MYO1B: variants seen among roughly 807,000 people sequenced by gnomAD.
The protein encoded by MYO1B is myosin IB.
A neutral mutation model predicts 159.7 loss-of-function variants in MYO1B; 72 were observed. The observed-to-expected ratio is 0.45, with a 90% CI of 0.37 to 0.55. The LOEUF is 0.55. Ranked by LOEUF, MYO1B falls within the 20% of genes least tolerant of loss-of-function variation. MYO1B has a pLI of 0.00. For missense variants in MYO1B, 1,062 were observed against 1,364.8 expected, an observed-to-expected ratio of 0.78 and a Z score of 3.50; for synonymous variants, 468 against 473.8, an observed-to-expected ratio of 0.99 and a Z score of 0.16.
chr2:191,320,845 TA>T (rs35399217), intron 3 of MYO1B, among the ~76,000 whole-genome samples: 13,837 of 147,244 alleles, frequency 0.094, 2,001 homozygotes, highest in African/African-American at 0.32. Flanking sequence ...CTTTATGCAT[TA>T]AAAAAAAAAA....
chr2:191,339,346 TTGTC>T (rs1236769150), intron 4 of MYO1B, among the ~76,000 whole-genome samples: 1 of 152,212 alleles, frequency 6.6e-6, no homozygotes, highest in African/African-American at 2.4e-5. Context: ...TATAAAGTCT[TTGTC>T]TGTAAGTGAT....
rs1323544904 is a variant in MYO1B, at chr2:191,414,082, A to G, written c.2908A>G (p.Ile970Val). 6.2e-7 allele frequency: 1 copy of G among 1,613,028 alleles called. No individual in the cohort carries two copies. Among genetic ancestry groups the G allele is most frequent in the East Asian group, 2.2e-5 (1 of 44,846 alleles). Reference protein sequence around the residue: ...GQPFQGAYLEINKNPKYKKLK... With the variant: ...GQPFQGAYLEVNKNPKYKKLK... ...ACCATTCCAAGGGGCTTACCTGGAA[A>G]TCAACAAGAACCCCAAGTATAAGAA... is the stretch of plus-strand genomic sequence containing the variant. The change falls in exon 28 of 31, where the codon ATC becomes GTC. Residue 970 changes from isoleucine to valine, a missense_variant. This residue lies in a region of MYO1B where 609 missense variants were observed against 744.4 expected (regional missense o/e 0.82). Transcript: ENST00000392318.
At chr2:191,276,758 G>T (rs1687776512) in intron 1 of MYO1B, 129 bp from the exon 2 acceptor site, 1 of 1,114,698 alleles carries the variant, frequency 9.0e-7, no homozygotes, top group Non-Finnish European at 1.3e-6. Flanking sequence ...GGGAGGAGAG[G>T]TTATGACATT....
rs191785074 is a variant in MYO1B, at chr2:191,294,009, A to G, written c.136-2102A>G. Reference sequence around the variant, plus strand: ...TTGTACCCTCCAATTAGTGATGAACATACCCCATGTGATTTGGTCATTTAG... The same window carrying G: ...TTGTACCCTCCAATTAGTGATGAACGTACCCCATGTGATTTGGTCATTTAG... On this transcript the variant is annotated intron_variant, in intron 2 of 30. Transcript: ENST00000392318. Among the ~76,000 whole-genome samples the G allele has an allele frequency of 2.6e-5, 4 of 152,320 alleles. No homozygotes were observed. In the East Asian group the frequency reaches 7.7e-4, roughly 29 times the overall value.
intron 2 of MYO1B, among the ~76,000 whole-genome samples, chr2:191,289,341 C>T (rs934300268): frequency 1.3e-5 from 2 of 152,220 alleles, no homozygotes; most frequent in Non-Finnish European, 2.9e-5. Context: ...AGATTCTTGT[C>T]TCCTTGTCTT....
chr2:191,296,300 C>T, intron 3 of MYO1B, 74 bp downstream of exon 3: 2 of 707,418 alleles, frequency 2.8e-6, no homozygotes, highest in Non-Finnish European at 4.2e-6. Context: ...GTGCAGCTGT[C>T]TCCTTTGAAT....
intron 3 of MYO1B, among the ~76,000 whole-genome samples, chr2:191,305,580 G>A (rs1689601611): frequency 6.6e-6 from 1 of 152,218 alleles, no homozygotes; most frequent in African/African-American, 2.4e-5. Context: ...GAGGTGCTGG[G>A]AATACAAAGA....
At chr2:191,339,184 T>C (rs1396631536) in intron 4 of MYO1B, among the ~76,000 whole-genome samples, 1 of 152,060 alleles carries the variant, frequency 6.6e-6, no homozygotes, top group Non-Finnish European at 1.5e-5. Context: ...CACCGGATGT[T>C]AGGAACCTGC....
At position 191,402,614 on chromosome 2, in the gene MYO1B, C is replaced by T. The variant is rs1355891087; in HGVS notation, c.2470-18C>T. 1 of 1,609,192 alleles carries T rather than the reference C, an allele frequency of 6.2e-7. No individual in the cohort carries two copies. The highest frequency in any genetic ancestry group is 8.5e-7 in the Non-Finnish European group (1 of 1,176,584). ...TGCATTGGGCTGTCTCTTTTATTTA[C>T]TATCTAAAACATTCTAGGCTCGAAG... On this transcript the variant is annotated intron_variant, in intron 23 of 30. Coordinates refer to ENST00000392318, the MANE Select transcript of MYO1B (RefSeq NM_001130158.3).
intron 4 of MYO1B, among the ~76,000 whole-genome samples, chr2:191,332,890 A>C (rs1425957829): frequency 6.6e-6 from 1 of 152,106 alleles, no homozygotes; most frequent in African/African-American, 2.4e-5. Flanking sequence ...CTAGCCTCCC[A>C]TGTCTTCTTA....
At position 191,392,202 on chromosome 2, in the gene MYO1B, G is replaced by C; in HGVS notation, c.2076+1G>C. The C allele has an allele frequency of 6.3e-7, 1 of 1,594,858 alleles. No homozygotes were observed. Among genetic ancestry groups the C allele is most frequent in the Non-Finnish European group, 8.6e-7 (1 of 1,166,278 alleles). ...GATATTCATCCGAAACCCAAGAACA[G>C]TATGTAACGAAAACCTTTACACTCT... On this transcript the variant is annotated splice_donor_variant, in intron 19 of 30. Coordinates refer to ENST00000392318, the MANE Select transcript of MYO1B (RefSeq NM_001130158.3). LOFTEE classifies it high-confidence loss of function.
intron 21 of MYO1B, among the ~76,000 whole-genome samples, chr2:191,397,794 C>T (rs1484913022): frequency 4.1e-5 from 6 of 145,832 alleles, no homozygotes; most frequent in Non-Finnish European, 9.1e-5. Context: ...CCTCACCTCC[C>T]GGATGGGGCG....
intron 1 of MYO1B, among the ~76,000 whole-genome samples, chr2:191,261,246 CAT>C (rs1351998895): frequency 3.3e-5 from 5 of 152,126 alleles, no homozygotes; most frequent in Admixed American, 1.3e-4. Context: ...TGATTTTAAA[CAT>C]GTGTGCCAAA....
rs1440042482 is a variant in MYO1B, at chr2:191,277,009, C to T, written c.114C>T (p.Arg38=). ...CCTTCATCAACAACCTCAAGAAGCG[C>T]TTTGACCACAGTGAAATATACGTAA... ...EETFINNLKK[R]FDHSEIYTYI... is the part of the protein sequence containing the mutation. Residue 38 remains arginine, a synonymous_variant, in exon 2 of 31, where the codon CGC becomes CGT. Transcript: ENST00000392318. 4 of 1,613,584 alleles carry T rather than the reference C, an allele frequency of 2.5e-6. No individual in the cohort carries two copies. Among genetic ancestry groups the T allele is most frequent in the Admixed American group, 3.3e-5 (2 of 59,846 alleles).
At chr2:191,332,816 G>T (rs1376523233) in intron 4 of MYO1B, among the ~76,000 whole-genome samples, 1 of 152,168 alleles carries the variant, frequency 6.6e-6, no homozygotes, top group African/African-American at 2.4e-5. Context: ...GTACAGAGTA[G>T]TTCTTGAACA....
chr2:191,406,398 GC>G (rs1256029666), intron 24 of MYO1B, among the ~76,000 whole-genome samples: 1 of 152,178 alleles, frequency 6.6e-6, no homozygotes, highest in Non-Finnish European at 1.5e-5. Flanking sequence ...AAGGGTCCTA[GC>G]TTTTGGCCTG....
At chr2:191,265,022 C>T (rs151088263) in intron 1 of MYO1B, among the ~76,000 whole-genome samples, 1 of 152,092 alleles carries the variant, frequency 6.6e-6, no homozygotes, top group African/African-American at 2.4e-5. Flanking sequence ...TTTTCCAGAA[C>T]CACTGCAGTA....
At chr2:191,311,874 CAT>C (rs1356613345) in intron 3 of MYO1B, among the ~76,000 whole-genome samples, 3 of 152,308 alleles carry the variant, frequency 2.0e-5, no homozygotes, top group Admixed American at 6.5e-5. Context: ...AGTGTGGAAA[CAT>C]GTGCATGGGT....
At chr2:191,396,949 G>T (rs185833565) in intron 21 of MYO1B, among the ~76,000 whole-genome samples, 98 of 152,178 alleles carry the variant, frequency 6.4e-4, no homozygotes, top group Middle Eastern at 6.8e-3. Context: ...ACATGGAGGA[G>T]CCGTCACAGT....
Sources: allele counts gnomAD v4.1 joint callset (sites outside exome capture counted in the v4.1 genomes callset), GRCh38; gene constraint gnomAD v4.1.1; regional missense constraint gnomAD v4.1.1; transcripts MANE v1.5; gene names NCBI Gene and HGNC (gene_info 2026-07-23, HGNC 2026-07-21).